Variants in ELAPOR2 observed in about 807,000 individuals in gnomAD.
ELAPOR2 encodes endosome-lysosome associated apoptosis and autophagy regulator family member 2.
Under a neutral mutation model 120.7 loss-of-function variants are expected in ELAPOR2, and 89 were observed. That is an observed-to-expected ratio of 0.74 (90% confidence interval 0.62 to 0.88). The LOEUF is 0.88. ELAPOR2 is among the 40% of genes least tolerant of loss of function. The pLI is 0.00. For synonymous variants in ELAPOR2, 444 were observed against 444.9 expected (o/e 1.00, Z 0.03); for missense variants, 1,134 against 1,251.6 (o/e 0.91, Z 1.42).
intron 18 of ELAPOR2, among the ~76,000 whole-genome samples, chr7:86,899,722 G>A (rs1313648855): frequency 6.6e-6 from 1 of 152,134 alleles, no homozygotes; most frequent in Non-Finnish European, 1.5e-5. Context: ...GTGGTGGGAT[G>A]TGAATAAAAG....
intron 19 of ELAPOR2, among the ~76,000 whole-genome samples, chr7:86,895,538 G>A (rs1170063465): frequency 3.3e-5 from 5 of 151,934 alleles, no homozygotes; most frequent in Non-Finnish European, 7.4e-5. Flanking sequence ...AACATGTCAA[G>A]CACATCAAAG....
chr7:86,884,438 C>A (rs1799592863), intron 21 of ELAPOR2, among the ~76,000 whole-genome samples: 1 of 152,114 alleles, frequency 6.6e-6, no homozygotes. Context: ...TACTTATAGG[C>A]AGATTTTACA....
intron 2 of ELAPOR2, among the ~76,000 whole-genome samples, chr7:86,958,312 T>C (rs1791559396): frequency 6.6e-6 from 1 of 152,188 alleles, no homozygotes; most frequent in Non-Finnish European, 1.5e-5. Flanking sequence ...AATGACTAAA[T>C]GAATTGGAAT....
rs567375738 is a variant in ELAPOR2 at position 87,022,459 on chromosome 7, A to T, written c.189+36866T>A. On this transcript the variant is annotated intron_variant, in intron 1 of 21. Transcript: ENST00000450689. ...TATTCCATGGTGTATATGTGCCACA[A>T]TTTCTTAATCCAGTCTATCATTGTT... is the stretch of plus-strand genomic sequence containing the variant. Among the ~76,000 whole-genome samples, 723 of 151,926 alleles carry T rather than the reference A, an allele frequency of 4.8e-3. 26 individuals carry two copies. Among genetic ancestry groups the T allele is most frequent in the Admixed American group, 0.044 (670 of 15,240 alleles).
At chr7:87,024,459 G>A (rs988806129) in intron 1 of ELAPOR2, among the ~76,000 whole-genome samples, 6 of 152,082 alleles carry the variant, frequency 3.9e-5, no homozygotes, top group African/African-American at 7.2e-5. Flanking sequence ...TGCTGGATTC[G>A]GTTTGCCAGT....
chr7:87,036,563 A>C (rs757485656), intron 1 of ELAPOR2, among the ~76,000 whole-genome samples: 28 of 152,214 alleles, frequency 1.8e-4, no homozygotes, highest in Non-Finnish European at 3.4e-4. Flanking sequence ...TTAGATAAAG[A>C]AAATGTGGTA....
At chr7:86,906,264 G>A (rs1311295809) in intron 18 of ELAPOR2, among the ~76,000 whole-genome samples, 1 of 152,100 alleles carries the variant, frequency 6.6e-6, no homozygotes, top group African/African-American at 2.4e-5. Flanking sequence ...TCCTTGGAGG[G>A]TGGCTTGTTG....
At chr7:86,972,701 T>C (rs1792145557) in intron 1 of ELAPOR2, among the ~76,000 whole-genome samples, 1 of 151,262 alleles carries the variant, frequency 6.6e-6, no homozygotes, top group African/African-American at 2.4e-5. Flanking sequence ...CAAGTCAAGC[T>C]ACCTCCAATG....
In ELAPOR2 at chr7:86,979,503, A is replaced by G. The variant is rs77867170; in HGVS notation, c.190-14479T>C. On this transcript the variant is annotated intron_variant, in intron 1 of 21. Coordinates refer to ENST00000450689, the MANE Select transcript of ELAPOR2 (RefSeq NM_001142749.3). ...AACAAAAACAATAATAGGAAATGAG[A>G]CACCAGTCCAGCCCTAACTTATGGG... Among the ~76,000 whole-genome samples, 332 of 152,310 alleles carry G rather than the reference A, an allele frequency of 2.2e-3. 2 individuals are homozygous for G. The highest frequency in any genetic ancestry group is 7.7e-3 in the African/African-American group (320 of 41,562).
intron 6 of ELAPOR2, 38 bp from the exon 7 acceptor site, chr7:86,938,998 C>A: frequency 1.2e-6 from 2 of 1,609,244 alleles, no homozygotes; most frequent in South Asian, 1.1e-5. Context: ...GGAGGGGGAC[C>A]CAATACCAAT....
intron 18 of ELAPOR2, among the ~76,000 whole-genome samples, chr7:86,901,737 G>A (rs1788735887): frequency 1.3e-5 from 2 of 152,146 alleles, no homozygotes; most frequent in African/African-American, 4.8e-5. Context: ...TTCGCATGGG[G>A]CTTTTGAGTG....
intron 2 of ELAPOR2, among the ~76,000 whole-genome samples, chr7:86,949,642 G>A (rs1442744240): frequency 3.3e-5 from 5 of 152,164 alleles, no homozygotes; most frequent in South Asian, 2.1e-4. Context: ...GCTTGGAGAC[G>A]TCTGCTCCCC....
intron 5 of ELAPOR2, among the ~76,000 whole-genome samples, chr7:86,940,470 G>A (rs989453338): frequency 5.9e-5 from 9 of 151,950 alleles, no homozygotes; most frequent in African/African-American, 2.2e-4. Context: ...ATATTTATAA[G>A]TTGCCACTAT....
chr7:87,057,794 T>C (rs1397527024), intron 1 of ELAPOR2, among the ~76,000 whole-genome samples: 1 of 152,252 alleles, frequency 6.6e-6, no homozygotes, highest in Non-Finnish European at 1.5e-5. Flanking sequence ...GACCTTCGCC[T>C]ACTTCAAGCA....
At chr7:87,051,009 T>G (rs920899268) in intron 1 of ELAPOR2, among the ~76,000 whole-genome samples, 3 of 152,226 alleles carry the variant, frequency 2.0e-5, no homozygotes, top group African/African-American at 7.2e-5. Context: ...CTGTCAGATT[T>G]AAGGTACTTA....
intron 1 of ELAPOR2, among the ~76,000 whole-genome samples, chr7:86,988,650 A>G (rs890228212): frequency 6.6e-6 from 1 of 152,210 alleles, no homozygotes; most frequent in Non-Finnish European, 1.5e-5. Context: ...AACTGCCATT[A>G]CTCCTACAAA....
chr7:86,989,170 T>C (rs927205913), intron 1 of ELAPOR2, among the ~76,000 whole-genome samples: 5 of 152,234 alleles, frequency 3.3e-5, no homozygotes, highest in African/African-American at 1.2e-4. Context: ...CACCAGATTA[T>C]AGACTTTTTT....
At chr7:86,953,926 G>C (rs141785869) in intron 2 of ELAPOR2, among the ~76,000 whole-genome samples, 351 of 152,286 alleles carry the variant, frequency 2.3e-3, no homozygotes, top group Non-Finnish European at 4.2e-3. Context: ...CTGTAACCAA[G>C]AGGTCATTTG....
intron 18 of ELAPOR2, among the ~76,000 whole-genome samples, chr7:86,902,713 C>T (rs1273099191): frequency 1.3e-5 from 2 of 152,136 alleles, no homozygotes; most frequent in Non-Finnish European, 2.9e-5. Flanking sequence ...GAAGTTTGCA[C>T]CCTTTGCAGG....
Sources: allele counts gnomAD v4.1 joint callset (sites outside exome capture counted in the v4.1 genomes callset), GRCh38; gene constraint gnomAD v4.1.1; transcripts MANE v1.5; gene names NCBI Gene and HGNC (gene_info 2026-07-23, HGNC 2026-07-21).